The following LRRC75A variants were observed in gnomAD, a reference collection of about 807,000 sequenced individuals.
The protein encoded by LRRC75A is leucine-rich repeat-containing protein 75A.
In LRRC75A, 12 loss-of-function variants were observed where a neutral mutation model predicts 26.0. The observed-to-expected ratio is 0.46, with a 90% CI of 0.30 to 0.75. The LOEUF (loss-of-function observed/expected upper bound fraction) is 0.75, where lower values mean the gene tolerates loss of function less well. Ranked by LOEUF, LRRC75A falls within the 30% of genes least tolerant of loss-of-function variation. The probability of loss-of-function intolerance (pLI) is 0.08; values close to 1 mark genes in which losing one functional copy is unlikely to be tolerated. For synonymous variants in LRRC75A, 223 were observed against 219.3 expected (o/e 1.02, Z -0.15); for missense variants, 410 against 486.6 (o/e 0.84, Z 1.48).
chr17:16,472,432 C>T (rs950332155), intron 1 of LRRC75A, among the ~76,000 whole-genome samples: 5 of 152,190 alleles, frequency 3.3e-5, no homozygotes, highest in African/African-American at 1.2e-4. Context: ...GAGACCCCCC[C>T]ACTGGAGGGG....
At chr17:16,458,869 C>T (rs2093706067) in intron 2 of LRRC75A, among the ~76,000 whole-genome samples, 1 of 152,166 alleles carries the variant, frequency 6.6e-6, no homozygotes, top group East Asian at 1.9e-4. Flanking sequence ...CCCCTGCAAA[C>T]CTGACCTACA....
intron 2 of LRRC75A, among the ~76,000 whole-genome samples, chr17:16,459,564 T>G (rs2093711718): frequency 6.6e-6 from 1 of 152,154 alleles, no homozygotes; most frequent in African/African-American, 2.4e-5. Flanking sequence ...CAAAGCCAGA[T>G]GAGGAGTTTG....
At chr17:16,477,605 TG>T (rs2093824159) in intron 1 of LRRC75A, among the ~76,000 whole-genome samples, 1 of 152,192 alleles carries the variant, frequency 6.6e-6, no homozygotes, top group Admixed American at 6.5e-5. Context: ...AAATGTGCTC[TG>T]GGCAGTGGGG....
chr17:16,464,588 G>T (rs377496725), intron 1 of LRRC75A, among the ~76,000 whole-genome samples: 1 of 152,184 alleles, frequency 6.6e-6, no homozygotes, highest in African/African-American at 2.4e-5. Flanking sequence ...CCTCCTCCCT[G>T]GAAGGCCCGT....
At position 16,462,228 on chromosome 17, in the gene LRRC75A, C is replaced by A; in HGVS notation, c.375+30G>T. The A allele has an allele frequency of 6.2e-7, 1 of 1,613,428 alleles. No homozygotes were observed. Among genetic ancestry groups the A allele is most frequent in the Non-Finnish European group, 8.5e-7 (1 of 1,179,662 alleles). On this transcript the variant is annotated intron_variant, in intron 2 of 3. Coordinates refer to ENST00000470794, the MANE Select transcript of LRRC75A (RefSeq NM_001113567.3). The surrounding 1 kb of genome is among the most constrained non-coding windows in gnomAD (Gnocchi z 4.6). ...AAGGCACCCACCGCACACCCCGGGA[C>A]CTGGCTGGCTCGGACCACAGCCACC...
At chr17:16,448,336 A>C (rs1193269199) in intron 2 of LRRC75A, 1 of 264,322 alleles carries the variant, frequency 3.8e-6, no homozygotes, top group Non-Finnish European at 7.6e-6. Context: ...AGATTTATTG[A>C]GCACTTACTC....
Position 16,462,601 on chromosome 17 carries a change from G to T in LRRC75A, c.247-215C>A, listed in dbSNP as rs2093736527. Among the ~76,000 whole-genome samples, 1 of 152,210 alleles carries T rather than the reference G, an allele frequency of 6.6e-6. No homozygotes were observed. Among genetic ancestry groups the T allele is most frequent in the Admixed American group, 6.5e-5 (1 of 15,286 alleles). ...GAAGAGCAGGGACTGGCCTCTGCAG[G>T]CTCTGCAGTTTGTGCAGGTCCTGGC... is the stretch of plus-strand genomic sequence containing the variant. On this transcript the variant is annotated intron_variant, in intron 1 of 3. Coordinates refer to ENST00000470794, the MANE Select transcript of LRRC75A (RefSeq NM_001113567.3). This position sits in a 1 kb window ranked among gnomAD's most constrained non-coding sequence, Gnocchi z 4.6.
At chr17:16,459,458 G>A (rs2093710827) in intron 2 of LRRC75A, among the ~76,000 whole-genome samples, 1 of 152,186 alleles carries the variant, frequency 6.6e-6, no homozygotes, top group Non-Finnish European at 1.5e-5. Context: ...AGATAGGAGA[G>A]GGTGTGGAGG....
At chr17:16,467,317 C>G (rs2093777031) in intron 1 of LRRC75A, among the ~76,000 whole-genome samples, 1 of 152,140 alleles carries the variant, frequency 6.6e-6, no homozygotes, top group Admixed American at 6.5e-5. Context: ...CTGTAAGGAG[C>G]TGCTGTTATT....
chr17:16,478,037 G>A (rs564892206), intron 1 of LRRC75A, among the ~76,000 whole-genome samples: 6 of 151,900 alleles, frequency 3.9e-5, no homozygotes, highest in South Asian at 2.1e-4. Context: ...TCCATCCAGC[G>A]TCCCTGCTCT....
At chr17:16,468,880 C>A (rs1317598584) in intron 1 of LRRC75A, among the ~76,000 whole-genome samples, 1 of 152,148 alleles carries the variant, frequency 6.6e-6, no homozygotes, top group African/African-American at 2.4e-5. Flanking sequence ...CAGAGCCAGA[C>A]CCCCAGGCAG....
chr17:16,476,955 G>C (rs545511334), intron 1 of LRRC75A, among the ~76,000 whole-genome samples: 7 of 149,990 alleles, frequency 4.7e-5, no homozygotes, highest in South Asian at 2.1e-4. Context: ...AGCCAGGATG[G>C]TCTCAATCTC....
intron 2 of LRRC75A, among the ~76,000 whole-genome samples, chr17:16,449,761 C>T (rs1370374744): frequency 2.6e-5 from 4 of 152,138 alleles, no homozygotes; most frequent in African/African-American, 9.7e-5. Context: ...GGATTACAGG[C>T]ACCCGCCATC....
chr17:16,492,179 T>G lies in LRRC75A; in HGVS notation c.-189A>C. On this transcript the variant is annotated 5_prime_UTR_variant, in exon 1 of 4. Transcript: ENST00000470794. ...GCTCCCCGCGCTCCTCCCTCTTGGC[T>G]ACCCGGGCGCGCTCCCCGGGCGCTC... 8 of 280,016 alleles carry G rather than the reference T, an allele frequency of 2.9e-5. No homozygotes were observed. Among genetic ancestry groups the G allele is most frequent in the Non-Finnish European group, 4.2e-5 (8 of 188,934 alleles). The allele number at this position is 280,016 out of a possible 1,614,324, so 17.3% of individuals were successfully genotyped here. A position where few individuals can be genotyped will look rare whatever the true frequency, so the allele number is the denominator to read the frequency against.
chr17:16,487,986 C>G (rs2093850362), intron 1 of LRRC75A, among the ~76,000 whole-genome samples: 1 of 152,236 alleles, frequency 6.6e-6, no homozygotes, highest in African/African-American at 2.4e-5. Flanking sequence ...GGGGCTACCT[C>G]AGCTGGGTGT....
rs964201452 is a variant in LRRC75A at position 16,443,689 on chromosome 17, G to A, written c.934C>T (p.Arg312Trp). ...TCCTCCTGGCCTACTGTCCCTTCCC[G>A]GACCTCCTCCCCACTGCCTGGGCCC... The part of the protein sequence containing the change: ...GEGPGSGEEV[R>W]EGTVGQEDPG... The change falls in exon 4 of 4, where the codon CGG (arginine) becomes TGG (tryptophan). Residue 312 changes from arginine (R) to tryptophan (W), a missense_variant. By Grantham distance (101) the Arg-to-Trp change is moderately radical. Coordinates refer to ENST00000470794, the MANE Select transcript of LRRC75A (RefSeq NM_001113567.3). The A allele has an allele frequency of 6.2e-6, 10 of 1,606,790 alleles. No individual in the cohort carries two copies. The highest frequency in any genetic ancestry group is 3.3e-5 in the South Asian group (3 of 90,432).
chr17:16,443,698 C>T lies in LRRC75A; in HGVS notation c.925G>A (p.Glu309Lys), dbSNP rs540754279. The T allele has an allele frequency of 5.6e-6, 9 of 1,611,092 alleles. No homozygotes were observed. The highest frequency in any genetic ancestry group is 7.6e-6 in the Non-Finnish European group (9 of 1,178,660). ...LELGEGPGSG[E>K]EVREGTVGQE... Reference sequence around the variant, plus strand: ...CCTACTGTCCCTTCCCGGACCTCCTCCCCACTGCCTGGGCCCTCACCCAGC... The same window carrying T: ...CCTACTGTCCCTTCCCGGACCTCCTTCCCACTGCCTGGGCCCTCACCCAGC... The change falls in exon 4 of 4, where the codon GAG becomes AAG. Residue 309 changes from glutamate (E) to lysine (K), a missense_variant. Coordinates refer to ENST00000470794, the MANE Select transcript of LRRC75A (RefSeq NM_001113567.3).
chr17:16,486,060 G>A (rs943596592), intron 1 of LRRC75A, among the ~76,000 whole-genome samples: 3 of 152,212 alleles, frequency 2.0e-5, no homozygotes, highest in Admixed American at 1.3e-4. Flanking sequence ...GAGGCTGGAG[G>A]AAGTGTGTGC....
chr17:16,456,110 G>C (rs2093675785), intron 2 of LRRC75A, among the ~76,000 whole-genome samples: 3 of 147,414 alleles, frequency 2.0e-5, no homozygotes, highest in African/African-American at 7.6e-5. Context: ...GGAGGGGGAG[G>C]AGGAGGAGTA....
Sources: allele counts gnomAD v4.1 joint callset (sites outside exome capture counted in the v4.1 genomes callset), GRCh38; gene constraint gnomAD v4.1.1; non-coding constraint Gnocchi (gnomAD v3.1); transcripts MANE v1.5; gene names NCBI Gene and HGNC (gene_info 2026-07-23, HGNC 2026-07-21).